The following ALK variants were observed in gnomAD, a reference collection of about 807,000 sequenced individuals.
ALK encodes ALK receptor tyrosine kinase.
In ALK, 74 loss-of-function variants were observed where a neutral mutation model predicts 163.1. That is an observed-to-expected ratio of 0.45 (90% confidence interval 0.38 to 0.55). ALK has a LOEUF of 0.55. ALK is among the 20% of genes least tolerant of loss of function. The pLI is 0.00. For missense variants in ALK, 2,063 were observed against 2,105.3 expected (o/e 0.98, Z 0.39); for synonymous variants, 960 against 843.2 (o/e 1.14, Z -2.40).
At chr2:29,269,955 TGAA>T (rs1665336897) in intron 11 of ALK, among the ~76,000 whole-genome samples, 1 of 152,190 alleles carries the variant, frequency 6.6e-6, no homozygotes. Flanking sequence ...TGAATGTTAG[TGAA>T]GATGCAGATG....
At chr2:29,368,397 G>A (rs1668562916) in intron 5 of ALK, among the ~76,000 whole-genome samples, 1 of 152,196 alleles carries the variant, frequency 6.6e-6, no homozygotes, top group South Asian at 2.1e-4. Flanking sequence ...AGAGACAGTG[G>A]CCCCTCATAC....
At position 29,804,969 on chromosome 2, in the gene ALK, A is replaced by G. The variant is rs534496079; in HGVS notation, c.668-87272T>C. Among the ~76,000 whole-genome samples, 14 of 152,242 alleles carry G rather than the reference A, an allele frequency of 9.2e-5. 1 individual carries two copies. The highest frequency in any genetic ancestry group is 2.6e-4 in the African/African-American group (11 of 41,542). On this transcript the variant is annotated intron_variant, in intron 1 of 28. Coordinates refer to ENST00000389048, the MANE Select transcript of ALK (RefSeq NM_004304.5). ...ATATCCCCCTTTCCCGGGCCTGAGGAGTAATGGTGCAGAGATCTACTATCT... is the reference window on the plus strand; with the variant it reads ...ATATCCCCCTTTCCCGGGCCTGAGGGGTAATGGTGCAGAGATCTACTATCT...
At chr2:29,200,423 T>C (rs1435093644) in intron 26 of ALK, among the ~76,000 whole-genome samples, 1 of 152,144 alleles carries the variant, frequency 6.6e-6, no homozygotes, top group Non-Finnish European at 1.5e-5. Context: ...TTTGAATAAG[T>C]AGGATTTTCA....
At chr2:29,809,762 T>C (rs1051572256) in intron 1 of ALK, among the ~76,000 whole-genome samples, 1 of 152,198 alleles carries the variant, frequency 6.6e-6, no homozygotes, top group African/African-American at 2.4e-5. Flanking sequence ...TCCAGAGACA[T>C]ATACAAGGCC....
intron 1 of ALK, among the ~76,000 whole-genome samples, chr2:29,737,227 T>G (rs1679916948): frequency 6.6e-6 from 1 of 152,046 alleles, no homozygotes; most frequent in Non-Finnish European, 1.5e-5. Flanking sequence ...TGAAACAGAT[T>G]GGGAGGCTAT....
chr2:29,586,746 C>A (rs901738212), intron 3 of ALK, among the ~76,000 whole-genome samples: 1 of 152,182 alleles, frequency 6.6e-6, no homozygotes, highest in Non-Finnish European at 1.5e-5. Context: ...TTGCTACCTA[C>A]CAAAATATAT....
chr2:29,883,197 T>G (rs909913448), intron 1 of ALK, among the ~76,000 whole-genome samples: 1 of 151,952 alleles, frequency 6.6e-6, no homozygotes, highest in Non-Finnish European at 1.5e-5. Flanking sequence ...AAGTACAGCA[T>G]TAAAGAATCC....
At chr2:29,550,164 C>G (rs1456549252) in intron 3 of ALK, among the ~76,000 whole-genome samples, 4 of 152,180 alleles carry the variant, frequency 2.6e-5, no homozygotes, top group African/African-American at 7.2e-5. Context: ...TAGTCCCGAG[C>G]AATATGTTAA....
chr2:29,263,977 A>G lies in ALK; in HGVS notation c.2041+11122T>C, dbSNP rs568625528. On this transcript the variant is annotated intron_variant, in intron 11 of 28. Transcript: ENST00000389048. ...GAATCAAGATCTCCCAGCTACTTGCAATGAAACACCACTGAACAGAGAATC... is the reference window on the plus strand; with the variant it reads ...GAATCAAGATCTCCCAGCTACTTGCGATGAAACACCACTGAACAGAGAATC... 3.3e-5 allele frequency among the ~76,000 whole-genome samples: 5 copies of G among 152,362 alleles called. No homozygotes were observed. The South Asian group carries it at 1.0e-3, about 32-fold the overall frequency.
intron 1 of ALK, among the ~76,000 whole-genome samples, chr2:29,915,651 G>A (rs200419993): frequency 2.0e-5 from 3 of 152,170 alleles, no homozygotes; most frequent in African/African-American, 7.2e-5. Flanking sequence ...TCTTTCAAAT[G>A]GCAATATAGA....
intron 3 of ALK, among the ~76,000 whole-genome samples, chr2:29,562,222 C>A (rs751116250): frequency 1.3e-5 from 2 of 152,178 alleles, no homozygotes; most frequent in Non-Finnish European, 2.9e-5. Context: ...ACATGTCTTT[C>A]CCAGTCTAAA....
intron 1 of ALK, among the ~76,000 whole-genome samples, chr2:29,782,787 C>A (rs1008483555): frequency 6.6e-6 from 1 of 152,196 alleles, no homozygotes. Flanking sequence ...CCAGAGCCAG[C>A]CTTCTGTGTG....
intron 3 of ALK, among the ~76,000 whole-genome samples, chr2:29,635,058 A>C (rs1302039569): frequency 6.6e-6 from 1 of 152,212 alleles, no homozygotes; most frequent in Non-Finnish European, 1.5e-5. Flanking sequence ...AATAACACTT[A>C]GGCTTAAATC....
intron 1 of ALK, among the ~76,000 whole-genome samples, chr2:29,745,015 T>C (rs981551246): frequency 2.0e-5 from 3 of 152,192 alleles, no homozygotes; most frequent in Non-Finnish European, 2.9e-5. Flanking sequence ...CCACCACGTA[T>C]GCCAAAGATG....
chr2:29,246,880 C>T lies in ALK; in HGVS notation c.2204+4225G>A, dbSNP rs556240107. 7.4e-4 allele frequency among the ~76,000 whole-genome samples: 112 copies of T among 152,280 alleles called. No individual in the cohort carries two copies. Among genetic ancestry groups the T allele is most frequent in the Non-Finnish European group, 1.3e-3 (88 of 68,018 alleles). On this transcript the variant is annotated intron_variant, in intron 12 of 28. Transcript: ENST00000389048. This position sits in a 1 kb window ranked among gnomAD's most constrained non-coding sequence, Gnocchi z 4.3. ...ACCCTCATGCTTTCACCAGGGGGAGCGAGAGGCCTTTTGGGGGGTAACACT... is the reference window on the plus strand; with the variant it reads ...ACCCTCATGCTTTCACCAGGGGGAGTGAGAGGCCTTTTGGGGGGTAACACT...
In ALK at chr2:29,921,183, G is replaced by A. The variant is rs1667994971; in HGVS notation, c.-524C>T. ...TTGGCTCCTCCAAGCTCTTCTGCCC[G>A]GTCTGGGCGGGAACCGAGGGCGGAG... On this transcript the variant is annotated 5_prime_UTR_variant, in exon 1 of 29. Coordinates refer to ENST00000389048, the MANE Select transcript of ALK (RefSeq NM_004304.5). The A allele has an allele frequency of 4.3e-6, 1 of 235,144 alleles. No homozygotes were observed. The highest frequency in any genetic ancestry group is 6.0e-5 in the East Asian group (1 of 16,596). 14.6% of individuals were successfully genotyped at this position (235,144 alleles called of 1,614,324 possible).
intron 1 of ALK, among the ~76,000 whole-genome samples, chr2:29,800,675 A>G (rs796617676): frequency 9.2e-5 from 14 of 152,292 alleles, no homozygotes; most frequent in African/African-American, 3.4e-4. Flanking sequence ...GGTTTCCTAC[A>G]CCTCAGACTT....
At chr2:29,695,186 G>C (rs1023094009) in intron 2 of ALK, among the ~76,000 whole-genome samples, 172 bp from the exon 3 acceptor site, 4 of 152,222 alleles carry the variant, frequency 2.6e-5, no homozygotes, top group African/African-American at 9.6e-5. Flanking sequence ...AGGGACCTAA[G>C]AGAATAAAAT....
chr2:29,723,522 C>G (rs534499354), intron 1 of ALK, among the ~76,000 whole-genome samples: 3 of 152,328 alleles, frequency 2.0e-5, no homozygotes. Context: ...TGTCTCCATG[C>G]CTGGCACACA....
Sources: gnomAD v4.1 joint callset for allele counts (sites outside exome capture counted in the v4.1 genomes callset) on GRCh38, gnomAD v4.1.1 for gene constraint, Gnocchi (gnomAD v3.1) non-coding constraint, MANE v1.5 for transcripts, NCBI Gene and HGNC (gene_info 2026-07-23, HGNC 2026-07-21) for gene names.